GNAO1: variants seen among roughly 807,000 people sequenced by gnomAD.
GNAO1 encodes G protein subunit alpha o1, also known as guanine nucleotide-binding protein G(o) subunit alpha.
For missense variants in GNAO1, 166 were observed against 478.7 expected (o/e 0.35, Z 6.10); for synonymous variants, 164 against 180.7 (o/e 0.91, Z 0.74).
intron 7 of GNAO1, chr16:56,353,454 A>G (rs1312839544): frequency 1.3e-5 from 2 of 152,268 alleles, no homozygotes; most frequent in Admixed American, 6.5e-5. Flanking sequence ...ACAGATGGTC[A>G]CCAGTGCAGT....
intron 5 of GNAO1, 93 bp downstream of exon 5, chr16:56,334,950 A>C: frequency 4.4e-6 from 6 of 1,361,690 alleles, no homozygotes; most frequent in Non-Finnish European, 5.1e-6. Flanking sequence ...CCCAAACATC[A>C]TCCTGCCCCA....
At chr16:56,227,215 C>T (rs574640995) in intron 2 of GNAO1, among the ~76,000 whole-genome samples, 1 of 152,224 alleles carries the variant, frequency 6.6e-6, no homozygotes, top group Non-Finnish European at 1.5e-5. Flanking sequence ...GGCAAGTCTG[C>T]GCGCCCCCGC....
At chr16:56,296,526 G>T (rs2037289624) in intron 3 of GNAO1, among the ~76,000 whole-genome samples, 1 of 152,134 alleles carries the variant, frequency 6.6e-6, no homozygotes, top group African/African-American at 2.4e-5. Context: ...ATCTTAAGCG[G>T]CGTGTCTGGG....
chr16:56,218,259 A>G (rs1019236074), intron 2 of GNAO1, among the ~76,000 whole-genome samples: 2 of 152,170 alleles, frequency 1.3e-5, no homozygotes, highest in African/African-American at 4.8e-5. Context: ...CCTAAGCTCA[A>G]TGGCCATCTG....
chr16:56,228,192 T>C (rs1343002112), intron 2 of GNAO1, among the ~76,000 whole-genome samples: 1 of 152,168 alleles, frequency 6.6e-6, no homozygotes, highest in Non-Finnish European at 1.5e-5. Flanking sequence ...TGCACAGTTA[T>C]GTGTTCCAAG....
intron 3 of GNAO1, among the ~76,000 whole-genome samples, chr16:56,288,641 G>A (rs1419924238): frequency 6.6e-6 from 1 of 152,220 alleles, no homozygotes; most frequent in East Asian, 1.9e-4. Flanking sequence ...AGAGTGGCCA[G>A]CGTGGGGGCC....
chr16:56,328,756 G>A lies in GNAO1; in HGVS notation c.429G>A (p.Arg143=). The change falls in exon 4 of 9, where the codon CGG becomes CGA. Residue 143 remains arginine (R), a synonymous_variant. Coordinates refer to ENST00000262493, the MANE Select transcript of GNAO1 (RefSeq NM_020988.3). ...CAGGAATCCAAGAGTGCTTCAACCG[G>A]TCCCGGGAGTATCAGCTCAACGACT... The part of the protein sequence containing the change: ...GDSGIQECFN[R]SREYQLNDSA... The A allele has an allele frequency of 6.2e-7, 1 of 1,614,268 alleles. No individual in the cohort carries two copies. Among genetic ancestry groups the A allele is most frequent in the Non-Finnish European group, 8.5e-7 (1 of 1,180,056 alleles).
chr16:56,299,188 T>C (rs2037317177), intron 3 of GNAO1, among the ~76,000 whole-genome samples: 1 of 152,216 alleles, frequency 6.6e-6, no homozygotes, highest in Non-Finnish European at 1.5e-5. Flanking sequence ...AAGGCAAGGC[T>C]TGGGGCTGCC....
intron 2 of GNAO1, among the ~76,000 whole-genome samples, chr16:56,256,714 C>CTGTG (rs1445031459): frequency 7.4e-4 from 91 of 123,452 alleles, no homozygotes; most frequent in African/African-American, 1.0e-3. Flanking sequence ...CTCTCTCTCT[C>CTGTG]TCTCTGTGTG....
chr16:56,338,880 G>A (rs1366069087), intron 6 of GNAO1, among the ~76,000 whole-genome samples: 2 of 152,184 alleles, frequency 1.3e-5, no homozygotes, highest in African/African-American at 4.8e-5. Flanking sequence ...CTTGCCCTCC[G>A]GTCTTCTCCA....
chr16:56,265,885 A>T (rs2036947461), intron 2 of GNAO1, among the ~76,000 whole-genome samples: 1 of 152,092 alleles, frequency 6.6e-6, no homozygotes. Flanking sequence ...CTCTGGCCTC[A>T]TCCCCCACTT....
intron 3 of GNAO1, among the ~76,000 whole-genome samples, chr16:56,309,699 G>A (rs754184609): frequency 3.9e-5 from 6 of 152,184 alleles, no homozygotes; most frequent in Non-Finnish European, 7.3e-5. Flanking sequence ...GAAGTGACCT[G>A]TTTCCAGTCC....
intron 2 of GNAO1, among the ~76,000 whole-genome samples, chr16:56,238,975 C>A (rs1309614254): frequency 6.6e-6 from 1 of 152,218 alleles, no homozygotes; most frequent in Non-Finnish European, 1.5e-5. Flanking sequence ...TGAACATTTT[C>A]CCATATCTAC....
intron 6 of GNAO1, among the ~76,000 whole-genome samples, chr16:56,350,273 G>T (rs1348687426): frequency 6.6e-6 from 1 of 152,150 alleles, no homozygotes; most frequent in African/African-American, 2.4e-5. Flanking sequence ...GTAGAGTTTA[G>T]CCTGGTTCAC....
chr16:56,303,870 A>G (rs1182778268), intron 3 of GNAO1, among the ~76,000 whole-genome samples: 2 of 151,242 alleles, frequency 1.3e-5, no homozygotes, highest in South Asian at 2.1e-4. Context: ...CCAGTTTCCC[A>G]CCTCTGATCT....
At position 56,191,767 on chromosome 16, in the gene GNAO1, T is replaced by G. The variant is rs1289588597; in HGVS notation, c.-469T>G. On this transcript the variant is annotated 5_prime_UTR_variant, in exon 1 of 9. Coordinates refer to ENST00000262493, the MANE Select transcript of GNAO1 (RefSeq NM_020988.3). This position sits in a 1 kb window ranked among gnomAD's most constrained non-coding sequence, Gnocchi z 4.7. ...CACATCCCGCGCCGCCGCCGCCGCC[T>G]CCTCCACCTCCTCCTCCGCCGCCGC... 3.7e-5 allele frequency: 8 copies of G among 214,266 alleles called. No individual in the cohort carries two copies. Among genetic ancestry groups the G allele is most frequent in the African/African-American group, 1.4e-4 (6 of 41,774 alleles). 13.3% of individuals were successfully genotyped at this position (214,266 alleles called of 1,614,324 possible). A position where few individuals can be genotyped will look rare whatever the true frequency, so the allele number is the denominator to read the frequency against.
At position 56,191,782 on chromosome 16, in the gene GNAO1, T is replaced by C; in HGVS notation, c.-454T>C. The C allele has an allele frequency of 4.6e-6, 1 of 217,134 alleles. No homozygotes were observed. Among genetic ancestry groups the C allele is most frequent in the Non-Finnish European group, 9.0e-6 (1 of 110,922 alleles). 13.5% of individuals were successfully genotyped at this position (217,134 alleles called of 1,614,324 possible). ...CGCCGCCGCCTCCTCCACCTCCTCC[T>C]CCGCCGCCGCCGCCTCCTCCTCCTC... On this transcript the variant is annotated 5_prime_UTR_variant, in exon 1 of 9. Coordinates refer to ENST00000262493, the MANE Select transcript of GNAO1 (RefSeq NM_020988.3). This position sits in a 1 kb window ranked among gnomAD's most constrained non-coding sequence, Gnocchi z 4.7.
At chr16:56,293,154 A>G (rs2037248628) in intron 3 of GNAO1, among the ~76,000 whole-genome samples, 1 of 152,256 alleles carries the variant, frequency 6.6e-6, no homozygotes, top group Admixed American at 6.5e-5. Flanking sequence ...AGTCTATGAA[A>G]TGCCTAGCTG....
chr16:56,215,004 G>A (rs974014188), intron 2 of GNAO1, among the ~76,000 whole-genome samples: 1 of 152,158 alleles, frequency 6.6e-6, no homozygotes, highest in Non-Finnish European at 1.5e-5. Flanking sequence ...GACATACCAT[G>A]GTGTAGTGCA....
Sources: allele counts gnomAD v4.1 joint callset (sites outside exome capture counted in the v4.1 genomes callset), GRCh38; gene constraint gnomAD v4.1.1; non-coding constraint Gnocchi (gnomAD v3.1); transcripts MANE v1.5; gene names NCBI Gene and HGNC (gene_info 2026-07-23, HGNC 2026-07-21).